CPLX1: variants seen among roughly 807,000 people sequenced by gnomAD.
CPLX1 encodes complexin 1.
In CPLX1, 6 loss-of-function variants were observed where a neutral mutation model predicts 15.6. The ratio of observed to expected loss-of-function variants is 0.39; its 90% CI spans 0.21 to 0.76. The LOEUF is 0.76. CPLX1 is among the 30% of genes least tolerant of loss of function. The probability of loss-of-function intolerance (pLI) is 0.43; values close to 1 mark genes in which losing one functional copy is unlikely to be tolerated. For synonymous variants in CPLX1, 91 were observed against 75.2 expected (o/e 1.21, Z -1.08); for missense variants, 242 against 188.6 (o/e 1.28, Z -1.66).
intron 3 of CPLX1, among the ~76,000 whole-genome samples, chr4:790,410 G>A (rs1462691559): frequency 6.6e-6 from 1 of 152,166 alleles, no homozygotes; most frequent in African/African-American, 2.4e-5. Flanking sequence ...GCCAGCTCTG[G>A]GCCCCACATG....
At chr4:790,354 C>T (rs13151247) in intron 3 of CPLX1, among the ~76,000 whole-genome samples, 10 of 152,118 alleles carry the variant, frequency 6.6e-5, no homozygotes, top group East Asian at 1.9e-4. Context: ...CAGCAAGGTC[C>T]GGCCAGCTCC....
intron 2 of CPLX1, among the ~76,000 whole-genome samples, chr4:801,743 T>G (rs958926995): frequency 6.6e-6 from 1 of 152,212 alleles, no homozygotes; most frequent in African/African-American, 2.4e-5. Context: ...TCAGAACTTG[T>G]CCCTTTCGTT....
chr4:790,242 C>G lies in CPLX1; in HGVS notation c.207+2191G>C, dbSNP rs1040636819. 3.9e-5 allele frequency among the ~76,000 whole-genome samples: 6 copies of G among 152,320 alleles called. No homozygotes were observed. In the East Asian group the frequency reaches 1.2e-3, roughly 29 times the overall value. ...CAAGGCCTGAGGGGCCAGTGGGCTG[C>G]GGAGGGGGCTGTTCTTGTGGGCAAG... On this transcript the variant is annotated intron_variant, in intron 3 of 3. Coordinates refer to ENST00000304062, the MANE Select transcript of CPLX1 (RefSeq NM_006651.4).
intron 3 of CPLX1, chr4:787,466 T>G: frequency 3.4e-6 from 3 of 869,648 alleles, no homozygotes; most frequent in Non-Finnish European, 4.1e-6. Context: ...GTTGATCTCA[T>G]AATGGTAAGG....
intron 3 of CPLX1, chr4:787,471 G>A: frequency 1.2e-6 from 1 of 841,998 alleles, no homozygotes; most frequent in African/African-American, 1.8e-5. Context: ...TCTCATAATG[G>A]TAAGGATGGG....
At chr4:796,895 G>C (rs57170954) in intron 2 of CPLX1, among the ~76,000 whole-genome samples, 33,120 of 152,128 alleles carry the variant, frequency 0.22, 4,263 homozygotes, top group Middle Eastern at 0.34. Flanking sequence ...AATGATGATG[G>C]TGCAGTGGGA....
intron 3 of CPLX1, among the ~76,000 whole-genome samples, chr4:790,616 C>A (rs1284515189): frequency 1.3e-5 from 2 of 152,134 alleles, no homozygotes. Flanking sequence ...AATGACATGG[C>A]CTGGAACAGC....
chr4:786,700 T>G lies in CPLX1; in HGVS notation c.208-2A>C. On this transcript the variant is annotated splice_acceptor_variant, in intron 3 of 3. Transcript: ENST00000304062. LOFTEE classifies it high-confidence loss of function. The stretch of plus-strand genomic sequence containing the variant: ...CTCCTCCTTCTTCTTGATGCCGTAC[T>G]GCGGGGGAGGCGGGGGTCAGGGCGG... 1 of 1,577,708 alleles carries G rather than the reference T, an allele frequency of 6.3e-7. No individual in the cohort carries two copies. Among genetic ancestry groups the G allele is most frequent in the Non-Finnish European group, 8.6e-7 (1 of 1,159,694 alleles).
chr4:824,402 G>A (rs1171214490), intron 2 of CPLX1, 90 bp downstream of exon 2: 2 of 1,195,304 alleles, frequency 1.7e-6, no homozygotes, highest in African/African-American at 1.5e-5. Context: ...CTGCAGGGGC[G>A]CTGCTGCGGT....
intron 2 of CPLX1, among the ~76,000 whole-genome samples, chr4:810,372 T>C (rs1353260693): frequency 1.3e-5 from 2 of 152,176 alleles, no homozygotes; most frequent in Non-Finnish European, 2.9e-5. Context: ...TTCATTTCTC[T>C]TGGGTCAACG....
At chr4:821,747 G>A (rs1014358165) in intron 2 of CPLX1, among the ~76,000 whole-genome samples, 2 of 152,162 alleles carry the variant, frequency 1.3e-5, no homozygotes, top group African/African-American at 4.8e-5. Context: ...GCTCCCCCAC[G>A]AGCGATCACC....
intron 1 of CPLX1, among the ~76,000 whole-genome samples, chr4:825,576 C>T (rs1437095078): frequency 2.0e-5 from 3 of 151,904 alleles, no homozygotes; most frequent in Non-Finnish European, 2.9e-5. Context: ...GGGCGAGCGG[C>T]CCTCAGGCGG....
At position 810,050 on chromosome 4, in the gene CPLX1, T is replaced by TC. The variant is rs978576900; in HGVS notation, c.31+14441_31+14442insG. Among the ~76,000 whole-genome samples, 6 of 145,420 alleles carry TC rather than the reference T, an allele frequency of 4.1e-5. No individual in the cohort carries two copies. The South Asian group carries it at 6.6e-4, about 16-fold the overall frequency. The stretch of plus-strand genomic sequence containing the variant: ...CGTCTGTGTGGATCTGCACTTTCTT[T>TC]TTTTTTTTTTTTTTTTTGAGATGGA... On this transcript the variant is annotated intron_variant, in intron 2 of 3. Coordinates refer to ENST00000304062, the MANE Select transcript of CPLX1 (RefSeq NM_006651.4).
At position 816,443 on chromosome 4, in the gene CPLX1, C is replaced by G. The variant is rs533370974; in HGVS notation, c.31+8049G>C. Among the ~76,000 whole-genome samples the G allele has an allele frequency of 5.6e-3, 858 of 152,166 alleles. 9 individuals carry two copies. The highest frequency in any genetic ancestry group is 0.011 in the South Asian group (51 of 4,822). On this transcript the variant is annotated intron_variant, in intron 2 of 3. Transcript: ENST00000304062. ...CCATGTTGGCCAGGCTGGTCTTGAACTCCTGACCTCGTGATCCACCTGCCT... is the reference window on the plus strand; with the variant it reads ...CCATGTTGGCCAGGCTGGTCTTGAAGTCCTGACCTCGTGATCCACCTGCCT...
chr4:816,742 A>AGCCC (rs1746764193), intron 2 of CPLX1, among the ~76,000 whole-genome samples: 2 of 152,054 alleles, frequency 1.3e-5, no homozygotes, highest in African/African-American at 2.4e-5. Flanking sequence ...GGCTCACTTG[A>AGCCC]GCCCGGGATG....
chr4:816,255 G>C (rs1428512757), intron 2 of CPLX1, among the ~76,000 whole-genome samples: 1 of 127,006 alleles, frequency 7.9e-6, no homozygotes, highest in East Asian at 2.3e-4. Context: ...GTCTCACTCT[G>C]TCACCCAGGC....
intron 2 of CPLX1, among the ~76,000 whole-genome samples, chr4:796,850 AAG>A (rs996082680): frequency 3.9e-5 from 6 of 152,186 alleles, no homozygotes; most frequent in Non-Finnish European, 7.3e-5. Flanking sequence ...CTGAAGGAAA[AAG>A]AGGAGAGTGA....
chr4:792,415 G>C lies in CPLX1; in HGVS notation c.207+18C>G, dbSNP rs1395913366. The C allele has an allele frequency of 1.3e-6, 2 of 1,513,272 alleles. No individual in the cohort carries two copies. The highest frequency in any genetic ancestry group is 2.1e-5 in the Admixed American group (1 of 48,746). 93.7% of individuals were successfully genotyped at this position (1,513,272 alleles called of 1,614,324 possible). A position where few individuals can be genotyped will look rare whatever the true frequency, so the allele number is the denominator to read the frequency against. ...CTCAGGGCCGCCTTCCCGCAGGCGG[G>C]GCCGGCCCGGCGCGCACCTTGTCTC... On this transcript the variant is annotated intron_variant, in intron 3 of 3. Transcript: ENST00000304062.
chr4:813,829 G>A (rs1746703217), intron 2 of CPLX1, among the ~76,000 whole-genome samples: 2 of 152,214 alleles, frequency 1.3e-5, no homozygotes, highest in African/African-American at 2.4e-5. Flanking sequence ...AAGCCAGCTC[G>A]CCACGTTTGC....
Sources: allele counts gnomAD v4.1 joint callset (sites outside exome capture counted in the v4.1 genomes callset), GRCh38; gene constraint gnomAD v4.1.1; transcripts MANE v1.5; gene names NCBI Gene and HGNC (gene_info 2026-07-23, HGNC 2026-07-21).